Variants in LTBP1 observed in about 807,000 individuals in gnomAD.
LTBP1 encodes latent transforming growth factor beta binding protein 1, also known as latent-transforming growth factor beta-binding protein 1.
Under a neutral mutation model 207.6 loss-of-function variants are expected in LTBP1, and 129 were observed. The observed-to-expected ratio is 0.62, with a 90% CI of 0.54 to 0.72. The LOEUF (loss-of-function observed/expected upper bound fraction) is 0.72. Ranked by LOEUF, LTBP1 falls within the 30% of genes least tolerant of loss-of-function variation. The pLI, the probability that LTBP1 is intolerant of heterozygous loss-of-function variation, is 0.00. For missense variants in LTBP1, 2,281 were observed against 2,217.2 expected (o/e 1.03, Z -0.58); for synonymous variants, 963 against 833.7 (o/e 1.16, Z -2.67).
intron 31 of LTBP1, among the ~76,000 whole-genome samples, chr2:33,373,021 A>G (rs2095089066): frequency 6.6e-6 from 1 of 152,210 alleles, no homozygotes; most frequent in Admixed American, 6.5e-5. Context: ...CAGGGATCCC[A>G]GTGTCTTTTT....
Position 33,257,501 on chromosome 2 carries a change from G to A in LTBP1, c.2385G>A (p.Ala795=), listed in dbSNP as rs1394347517. 30 of 1,613,768 alleles carry A rather than the reference G, an allele frequency of 1.9e-5. No homozygotes were observed. The highest frequency in any genetic ancestry group is 3.3e-5 in the Admixed American group (2 of 59,976). ...CCCGGGAACACGGGCCAGGAGTGGC[G>A]GAGCCAGAAGGTGAGAGCGGTAATG... ...TFSREHGPGV[A]EPEVATAPPE... The change falls in exon 12 of 34, where the codon GCG becomes GCA. Residue 795 remains alanine (A), a synonymous_variant. Transcript: ENST00000404816.
At chr2:33,293,555 A>G (rs2093816449) in intron 20 of LTBP1, among the ~76,000 whole-genome samples, 2 of 152,180 alleles carry the variant, frequency 1.3e-5, no homozygotes, top group South Asian at 2.1e-4. Context: ...TATAAAAGCA[A>G]TACACACAGT....
intron 21 of LTBP1, among the ~76,000 whole-genome samples, chr2:33,301,234 A>C (rs957127394): frequency 6.6e-6 from 1 of 152,190 alleles, no homozygotes; most frequent in African/African-American, 2.4e-5. Context: ...GTCAACCACA[A>C]GTGTCCAGAG....
rs1204391426 is a variant in LTBP1 at position 33,079,143 on chromosome 2, G to A, written c.864-31439G>A. Among the ~76,000 whole-genome samples the A allele has an allele frequency of 3.3e-5, 5 of 152,048 alleles. 2 individuals carry two copies. Among genetic ancestry groups the A allele is most frequent in the Admixed American group, 3.3e-4 (5 of 15,268 alleles). ...CCATTCATATATTCCGACCAGTGTTGTAATACTGTTTATTTAACAATATTA... is the reference window on the plus strand; with the variant it reads ...CCATTCATATATTCCGACCAGTGTTATAATACTGTTTATTTAACAATATTA... On this transcript the variant is annotated intron_variant, in intron 3 of 33. Transcript: ENST00000404816.
chr2:33,097,317 A>G (rs952609035), intron 3 of LTBP1, among the ~76,000 whole-genome samples: 1 of 152,234 alleles, frequency 6.6e-6, no homozygotes, highest in African/African-American at 2.4e-5. Flanking sequence ...ATGAAATAAC[A>G]TAACTACAGA....
chr2:33,083,189 C>T (rs762517209), intron 3 of LTBP1, among the ~76,000 whole-genome samples: 31 of 151,908 alleles, frequency 2.0e-4, no homozygotes, highest in Middle Eastern at 3.2e-3. Flanking sequence ...AGAACCATTT[C>T]CCATCTGTGC....
intron 5 of LTBP1, among the ~76,000 whole-genome samples, chr2:33,136,857 T>C (rs1252298737): frequency 6.6e-6 from 1 of 152,130 alleles, no homozygotes; most frequent in African/African-American, 2.4e-5. Flanking sequence ...TGAAGCAAAA[T>C]TATTTACAAA....
In LTBP1 at chr2:33,397,252, C is replaced by T; in HGVS notation, c.4954C>T (p.His1652Tyr). The change falls in exon 33 of 34, where the codon CAC becomes TAC. Residue 1652 changes from histidine (H) to tyrosine (Y), a missense_variant. By Grantham distance (83) the His-to-Tyr change is moderately conservative. This residue lies in a region of LTBP1 where 1,671 missense variants were observed against 1,634.8 expected (regional missense o/e 1.02). Coordinates refer to ENST00000404816, the MANE Select transcript of LTBP1 (RefSeq NM_206943.4). ...GYTCDCFDGY[H>Y]LDTAKMTCVD... ...CACCTGCGATTGCTTTGATGGGTAT[C>T]ACTTGGATACGGCCAAGATGACCTG... is the stretch of plus-strand genomic sequence containing the variant. 6.2e-7 allele frequency: 1 copy of T among 1,614,062 alleles called. No individual in the cohort carries two copies. The highest frequency in any genetic ancestry group is 8.5e-7 in the Non-Finnish European group (1 of 1,179,976).
At chr2:33,248,382 G>A (rs1255027658) in intron 10 of LTBP1, among the ~76,000 whole-genome samples, 1 of 152,104 alleles carries the variant, frequency 6.6e-6, no homozygotes, top group Admixed American at 6.5e-5. Flanking sequence ...TCCATAAAGG[G>A]TAGAGCCCAG....
intron 31 of LTBP1, among the ~76,000 whole-genome samples, chr2:33,366,062 G>A (rs1366075864): frequency 6.6e-6 from 1 of 152,182 alleles, no homozygotes; most frequent in East Asian, 1.9e-4. Context: ...TGGTCAAATG[G>A]AAAAGATGAG....
intron 20 of LTBP1, among the ~76,000 whole-genome samples, chr2:33,298,390 G>A (rs2093921250): frequency 6.6e-6 from 1 of 152,148 alleles, no homozygotes; most frequent in Non-Finnish European, 1.5e-5. Context: ...TTGGAATGGA[G>A]GGTCTATCTC....
At chr2:33,144,417 T>G (rs1349759201) in intron 5 of LTBP1, among the ~76,000 whole-genome samples, 3 of 152,174 alleles carry the variant, frequency 2.0e-5, no homozygotes, top group Non-Finnish European at 4.4e-5. Flanking sequence ...TGCTTCTTCT[T>G]GAGTTCACTT....
chr2:33,279,158 A>C (rs1276847025), intron 18 of LTBP1, among the ~76,000 whole-genome samples: 1 of 152,216 alleles, frequency 6.6e-6, no homozygotes, highest in African/African-American at 2.4e-5. Context: ...AAATCCACTC[A>C]TATAAATTCA....
chr2:33,132,210 ATT>A (rs779336906), intron 4 of LTBP1, among the ~76,000 whole-genome samples: 11 of 152,194 alleles, frequency 7.2e-5, no homozygotes, highest in Non-Finnish European at 1.0e-4. Context: ...TCCTCAAGAT[ATT>A]TGTAAGCATT....
At chr2:33,107,222 A>G (rs2080115920) in intron 3 of LTBP1, among the ~76,000 whole-genome samples, 1 of 152,254 alleles carries the variant, frequency 6.6e-6, no homozygotes, top group Non-Finnish European at 1.5e-5. Flanking sequence ...AGTTATACCA[A>G]AACACAGACA....
At chr2:32,959,724 G>T (rs1332609922) in intron 2 of LTBP1, among the ~76,000 whole-genome samples, 3 of 148,410 alleles carry the variant, frequency 2.0e-5, no homozygotes, top group South Asian at 2.1e-4. Flanking sequence ...GGGTTCCAGC[G>T]ATTCTTCTGC....
chr2:33,107,659 G>A (rs534251756), intron 3 of LTBP1, among the ~76,000 whole-genome samples: 154 of 152,276 alleles, frequency 1.0e-3, no homozygotes, highest in African/African-American at 3.4e-3. Context: ...TAAACCACCA[G>A]TGTGGCTGTA....
chr2:33,337,848 G>A (rs771313881), intron 24 of LTBP1, among the ~76,000 whole-genome samples: 31 of 152,248 alleles, frequency 2.0e-4, no homozygotes, highest in East Asian at 9.6e-4. Context: ...TCACTTGTTC[G>A]TTTAGTCTTG....
chr2:33,000,978 A>T (rs1270789763), intron 2 of LTBP1, among the ~76,000 whole-genome samples: 1 of 134,766 alleles, frequency 7.4e-6, no homozygotes, highest in African/African-American at 2.6e-5. Context: ...CTGTTCATTG[A>T]TAAGGGCCTC....
Sources: allele counts gnomAD v4.1 joint callset (sites outside exome capture counted in the v4.1 genomes callset), GRCh38; gene constraint gnomAD v4.1.1; regional missense constraint gnomAD v4.1.1; transcripts MANE v1.5; gene names NCBI Gene and HGNC (gene_info 2026-07-23, HGNC 2026-07-21).